LYZL2: variants seen among roughly 807,000 people sequenced by gnomAD.
The protein encoded by LYZL2 is lysozyme-like protein 2.
Under a neutral mutation model 17.1 loss-of-function variants are expected in LYZL2, and 13 were observed. That is an observed-to-expected ratio of 0.76 (90% CI 0.49 to 1.21). LYZL2 has a LOEUF of 1.21. LYZL2 is among the 50% of genes most tolerant of loss of function. The pLI is 0.00. For missense variants in LYZL2, 166 were observed against 189.2 expected, an observed-to-expected ratio of 0.88 and a Z score of 0.72; for synonymous variants, 63 against 74.4, an observed-to-expected ratio of 0.85 and a Z score of 0.79.
At chr10:30,624,606 A>G (rs905250162) in intron 3 of LYZL2, among the ~76,000 whole-genome samples, 2 of 152,218 alleles carry the variant, frequency 1.3e-5, no homozygotes, top group African/African-American at 4.8e-5. Flanking sequence ...AGGATTCTTT[A>G]TGATACAGGA....
chr10:30,609,152 T>G (rs1650747363), downstream of LYZL2, among the ~76,000 whole-genome samples: 1 of 152,136 alleles, frequency 6.6e-6, no homozygotes, highest in Non-Finnish European at 1.5e-5. Context: ...ATCTAATATT[T>G]TTGAATGTTA....
At chr10:30,623,839 C>T (rs947509066) in intron 3 of LYZL2, among the ~76,000 whole-genome samples, 2 of 152,200 alleles carry the variant, frequency 1.3e-5, no homozygotes, top group African/African-American at 2.4e-5. Context: ...CCTCCTCCCC[C>T]TCGTCCACGG....
chr10:30,623,470 G>A (rs559414993), intron 3 of LYZL2, among the ~76,000 whole-genome samples: 25 of 152,246 alleles, frequency 1.6e-4, no homozygotes, highest in Admixed American at 2.6e-4. Context: ...GCAGGTGAGT[G>A]AGTGAATCTT....
chr10:30,617,771 G>T (rs1838558312), intron 3 of LYZL2, among the ~76,000 whole-genome samples: 1 of 151,604 alleles, frequency 6.6e-6, no homozygotes, highest in Non-Finnish European at 1.5e-5. Flanking sequence ...GCACAAGACA[G>T]GGATGTCCTC....
At chr10:30,620,926 C>G (rs1420817864) in intron 3 of LYZL2, among the ~76,000 whole-genome samples, 1 of 150,162 alleles carries the variant, frequency 6.7e-6, no homozygotes, top group Non-Finnish European at 1.5e-5. Flanking sequence ...AAATAAAATA[C>G]AGGGAGGGAA....
At chr10:30,626,654 C>T (rs1213838039) in intron 2 of LYZL2, 123 bp downstream of exon 2, 2 of 1,460,796 alleles carry the variant, frequency 1.4e-6, no homozygotes, top group African/African-American at 1.5e-5. Context: ...GCAGCCACCC[C>T]TGGGTGTGGT....
chr10:30,621,718 C>A (rs1377830328), intron 3 of LYZL2, among the ~76,000 whole-genome samples: 1 of 152,124 alleles, frequency 6.6e-6, no homozygotes, highest in East Asian at 1.9e-4. Context: ...TGCTAATAGA[C>A]CTCTACTCTA....
intron 3 of LYZL2, among the ~76,000 whole-genome samples, chr10:30,619,482 G>C (rs1838585676): frequency 6.6e-6 from 1 of 152,034 alleles, no homozygotes; most frequent in African/African-American, 2.4e-5. Flanking sequence ...ATACACCATG[G>C]AATACTATGC....
chr10:30,611,659 AAGAGAAAG>A, downstream of LYZL2: 1 of 324,896 alleles, frequency 3.1e-6, no homozygotes, highest in South Asian at 5.6e-5. Flanking sequence ...GGAAGAAAGG[AAGAGAAAG>A]AGAGAAAGAA....
At chr10:30,627,404 C>T (rs1359021808) in intron 1 of LYZL2, among the ~76,000 whole-genome samples, 1 of 151,604 alleles carries the variant, frequency 6.6e-6, no homozygotes, top group Non-Finnish European at 1.5e-5. Flanking sequence ...CCTCCTCTTC[C>T]TCCTCCACCT....
At chr10:30,621,294 T>C (rs1337097540) in intron 3 of LYZL2, among the ~76,000 whole-genome samples, 1 of 152,128 alleles carries the variant, frequency 6.6e-6, no homozygotes, top group African/African-American at 2.4e-5. Flanking sequence ...CTTTAAAAAC[T>C]TGAAGCCAAG....
intron 1 of LYZL2, among the ~76,000 whole-genome samples, chr10:30,628,490 C>T (rs987310593): frequency 5.9e-5 from 9 of 152,264 alleles, no homozygotes; most frequent in Middle Eastern, 3.4e-3. Flanking sequence ...AGCGCTGTCT[C>T]CTGCTGCCTA....
At chr10:30,609,135 G>A (rs573008185), downstream of LYZL2, among the ~76,000 whole-genome samples, 2 of 152,266 alleles carry the variant, frequency 1.3e-5, no homozygotes, top group African/African-American at 4.8e-5. Flanking sequence ...CATTGTGCCT[G>A]GCCAACATCT....
chr10:30,616,237 C>T (rs574597170), intron 3 of LYZL2, among the ~76,000 whole-genome samples: 29 of 152,190 alleles, frequency 1.9e-4, no homozygotes, highest in African/African-American at 6.7e-4. Context: ...CTAAATGTGG[C>T]TTAATTTTTA....
downstream of LYZL2, among the ~76,000 whole-genome samples, chr10:30,609,166 A>G (rs1353959652): frequency 1.3e-5 from 2 of 152,156 alleles, no homozygotes; most frequent in African/African-American, 4.8e-5. Context: ...AATGTTAACT[A>G]TTATGTGTTT....
In LYZL2 at chr10:30,623,729, T is replaced by C. The variant is rs1838659936; in HGVS notation, c.298+2376A>G. On this transcript the variant is annotated intron_variant, in intron 3 of 4. Coordinates refer to ENST00000647634, the MANE Select transcript of LYZL2 (RefSeq NM_183058.3). The stretch of plus-strand genomic sequence containing the variant: ...CCCAGGACTCCCACTGATTCTACAT[T>C]ATGGTGAGTTGCATAATTATTCCTT... Among the ~76,000 whole-genome samples the C allele has an allele frequency of 2.0e-5, 3 of 152,194 alleles. No individual in the cohort carries two copies. In the South Asian group the frequency reaches 6.2e-4, roughly 32 times the overall value.
In LYZL2 at chr10:30,626,110, C is replaced by A. The variant is rs756554392; in HGVS notation, c.293G>T (p.Cys98Phe). 6.2e-6 allele frequency: 10 copies of A among 1,613,552 alleles called. No homozygotes were observed. In the Admixed American group the frequency reaches 1.0e-4, roughly 16 times the overall value. ...LKENNHCHVA[C>F]SALVTDDLTD... ...CTGGAAAGTCAGAGCCTCACCTGAG[C>A]AGGCGACGTGGCAGTGGTTGTTCTC... Residue 98 changes from cysteine to phenylalanine, a missense_variant, in exon 3 of 5, where the codon TGC (cysteine) becomes TTC (phenylalanine). Physicochemically the swap from Cys to Phe is radical, Grantham distance 205 (BLOSUM62 -2). Transcript: ENST00000647634.
intron 1 of LYZL2, among the ~76,000 whole-genome samples, chr10:30,628,053 G>A (rs548209254): frequency 2.0e-5 from 3 of 152,062 alleles, no homozygotes; most frequent in African/African-American, 7.2e-5. Flanking sequence ...CCAGCTGCTC[G>A]GGAGGCTGAG....
At chr10:30,614,287 G>A (rs192628763) in intron 3 of LYZL2, among the ~76,000 whole-genome samples, 197 of 152,336 alleles carry the variant, frequency 1.3e-3, no homozygotes, top group African/African-American at 4.4e-3. Flanking sequence ...ATGGGCAGAC[G>A]GAGATGTCCA....
Sources: gnomAD v4.1 joint callset for allele counts (sites outside exome capture counted in the v4.1 genomes callset) on GRCh38, gnomAD v4.1.1 for gene constraint, MANE v1.5 for transcripts, NCBI Gene and HGNC (gene_info 2026-07-23, HGNC 2026-07-21) for gene names.